Variants in RBM6 observed in about 807,000 individuals in gnomAD.
The protein encoded by RBM6 is RNA binding motif protein 6.
A neutral mutation model predicts 140.4 loss-of-function variants in RBM6; 23 were observed. That is an observed-to-expected ratio of 0.16 (90% CI 0.12 to 0.23). The LOEUF (loss-of-function observed/expected upper bound fraction) is 0.23, where lower values mean the gene tolerates loss of function less well. RBM6 is among the 10% of genes least tolerant of loss of function. RBM6 has a pLI of 1.00. For synonymous variants in RBM6, 439 were observed against 475.6 expected (o/e 0.92, Z 1.00); for missense variants, 1,139 against 1,386.7 (o/e 0.82, Z 2.84).
intron 6 of RBM6, 40 bp downstream of exon 6, chr3:49,999,553 A>T: frequency 6.8e-7 from 1 of 1,475,342 alleles, no homozygotes; most frequent in Non-Finnish European, 9.5e-7. Flanking sequence ...GGAAGGATAT[A>T]TTTTTTTATA....
intron 5 of RBM6, among the ~76,000 whole-genome samples, chr3:49,989,760 G>A (rs988036091): frequency 6.6e-6 from 1 of 151,890 alleles, no homozygotes; most frequent in Non-Finnish European, 1.5e-5. Flanking sequence ...TATTTATTTT[G>A]ATACAGAGTC....
At chr3:49,992,613 A>G (rs769858447) in intron 5 of RBM6, among the ~76,000 whole-genome samples, 14 of 152,212 alleles carry the variant, frequency 9.2e-5, no homozygotes, top group South Asian at 2.1e-4. Context: ...CTTGACTGCA[A>G]TCACATGGTG....
At chr3:49,950,980 T>C (rs1007460476) in intron 1 of RBM6, among the ~76,000 whole-genome samples, 5 of 151,944 alleles carry the variant, frequency 3.3e-5, no homozygotes, top group African/African-American at 1.2e-4. Context: ...ATAAGGAAAA[T>C]GTGGTATGTA....
At chr3:49,940,698 C>A (rs1453423033) in intron 1 of RBM6, 1 of 154,322 alleles carries the variant, frequency 6.5e-6, no homozygotes, top group Non-Finnish European at 1.5e-5. Flanking sequence ...CACAAGAGCT[C>A]CGAGCCCGGT....
At chr3:50,047,109 C>T (rs2089260549) in intron 6 of RBM6, 1 of 952,846 alleles carries the variant, frequency 1.0e-6, no homozygotes, top group South Asian at 4.9e-5. Flanking sequence ...TTTGACAAGA[C>T]AATAATTTTA....
In RBM6 at chr3:50,064,764, G is replaced by A. The variant is rs749922158; in HGVS notation, c.2587-267G>A. Among the ~76,000 whole-genome samples the A allele has an allele frequency of 7.8e-4, 119 of 152,168 alleles. No individual in the cohort carries two copies. In the Middle Eastern group the frequency reaches 0.01, roughly 13 times the overall value. On this transcript the variant is annotated intron_variant, in intron 15 of 20. Coordinates refer to ENST00000266022, the MANE Select transcript of RBM6 (RefSeq NM_005777.3). ...ACAATCTTGGCTCACTGCAAGCTCC[G>A]CCTCTCGGGTTCATTCTCCTGCCTC... is the stretch of plus-strand genomic sequence containing the variant.
chr3:50,060,964 C>G lies in RBM6; in HGVS notation c.2237C>G (p.Ser746Cys), dbSNP rs769469509. The change falls in exon 12 of 21, where the codon TCT (serine) becomes TGT (cysteine). Residue 746 changes from serine to cysteine, a missense_variant. Physicochemically the swap from Ser to Cys is moderately radical, Grantham distance 112. This residue lies in a region of RBM6 where 163 missense variants were observed against 182.8 expected (regional missense o/e 0.89). Coordinates refer to ENST00000266022, the MANE Select transcript of RBM6 (RefSeq NM_005777.3). ...TGTGTTATCTGTTGCAGAAATGATTCTGGGGACCATTCTGACCACATGCAT... is the reference window on the plus strand; with the variant it reads ...TGTGTTATCTGTTGCAGAAATGATTGTGGGGACCATTCTGACCACATGCAT... Reference protein sequence around the residue: ...NLATGKRRNDSGDHSDHMHYY... With the variant: ...NLATGKRRNDCGDHSDHMHYY... 3 of 1,571,662 alleles carry G rather than the reference C, an allele frequency of 1.9e-6. No homozygotes were observed. The South Asian group carries it at 3.6e-5, about 19-fold the overall frequency.
chr3:50,029,453 G>C lies in RBM6; in HGVS notation c.1558-18792G>C, dbSNP rs534721973. Among the ~76,000 whole-genome samples, 29 of 152,318 alleles carry C rather than the reference G, an allele frequency of 1.9e-4. No homozygotes were observed. In the South Asian group the frequency reaches 6.0e-3, roughly 32 times the overall value. ...ACTCAGAGGTTAAAGGAATCATACC[G>C]GTTTGGCATGGTGGCTCACGCCTGT... is the stretch of plus-strand genomic sequence containing the variant. On this transcript the variant is annotated intron_variant, in intron 6 of 20. Transcript: ENST00000266022.
rs1290687211 is a variant in RBM6 at position 50,077,163 on chromosome 3, C to T, written c.*30C>T. Reference sequence around the variant, plus strand: ...GGAGACAAGTTCCATGGGATACAACCTCCCTCTTGTTTTGTTTGTCTCTCC... The same window carrying T: ...GGAGACAAGTTCCATGGGATACAACTTCCCTCTTGTTTTGTTTGTCTCTCC... On this transcript the variant is annotated 3_prime_UTR_variant, in exon 21 of 21. Coordinates refer to ENST00000266022, the MANE Select transcript of RBM6 (RefSeq NM_005777.3). The T allele has an allele frequency of 1.9e-6, 3 of 1,584,516 alleles. No homozygotes were observed. The highest frequency in any genetic ancestry group is 1.2e-5 in the South Asian group (1 of 86,488).
chr3:49,947,273 GGGGGT>G (rs1271788679), intron 1 of RBM6, among the ~76,000 whole-genome samples: 3,258 of 94,766 alleles, frequency 0.034, 149 homozygotes, highest in Non-Finnish European at 0.057. Flanking sequence ...GGGGGGGGGG[GGGGGT>G]TTTGAGCTGG....
At chr3:49,992,320 T>A (rs1271650012) in intron 5 of RBM6, among the ~76,000 whole-genome samples, 1 of 152,044 alleles carries the variant, frequency 6.6e-6, no homozygotes, top group Non-Finnish European at 1.5e-5. Context: ...AGAAAAAAAA[T>A]GTTTATGGGC....
chr3:50,042,471 G>A (rs566096315), intron 6 of RBM6, among the ~76,000 whole-genome samples: 6 of 152,218 alleles, frequency 3.9e-5, no homozygotes, highest in Admixed American at 1.3e-4. Context: ...CATAACTCAC[G>A]CCTGTAATCT....
intron 1 of RBM6, 155 bp downstream of exon 1, chr3:49,940,380 C>G (rs916985829): frequency 1.5e-4 from 23 of 152,802 alleles, no homozygotes; most frequent in African/African-American, 5.5e-4. Context: ...GAAGACCAAG[C>G]AACGGTGAGA....
intron 3 of RBM6, 144 bp downstream of exon 3, chr3:49,968,892 G>T (rs908265599): frequency 2.7e-6 from 3 of 1,114,004 alleles, no homozygotes; most frequent in Non-Finnish European, 3.7e-6. Flanking sequence ...CCATTCTCCT[G>T]CCTCAGCCTC....
chr3:49,949,811 T>A (rs1355035134), intron 1 of RBM6, among the ~76,000 whole-genome samples: 5 of 152,044 alleles, frequency 3.3e-5, no homozygotes, highest in Non-Finnish European at 7.4e-5. Flanking sequence ...CCAGCCTTTT[T>A]ATTTTTTTAT....
chr3:49,959,778 G>A (rs998878889), intron 1 of RBM6, among the ~76,000 whole-genome samples: 7 of 151,602 alleles, frequency 4.6e-5, no homozygotes, highest in Non-Finnish European at 1.0e-4. Context: ...CACCATGTTG[G>A]CCAGGCTGGT....
chr3:49,995,203 C>T (rs1054604398), intron 5 of RBM6, among the ~76,000 whole-genome samples: 2 of 152,052 alleles, frequency 1.3e-5, no homozygotes, highest in African/African-American at 2.4e-5. Context: ...ATAGAGAAGA[C>T]GTGAAATTTG....
chr3:49,982,262 C>CTTTTCTT (rs2085338846), intron 5 of RBM6, among the ~76,000 whole-genome samples: 42 of 68,400 alleles, frequency 6.1e-4, no homozygotes, highest in African/African-American at 2.3e-3. Context: ...CTTTTCTTTT[C>CTTTTCTT]TTTTTTTTTT....
intron 19 of RBM6, among the ~76,000 whole-genome samples, chr3:50,071,887 C>T (rs1183427633): frequency 1.3e-5 from 2 of 150,154 alleles, no homozygotes; most frequent in African/African-American, 4.9e-5. Context: ...AGTTCGAGAC[C>T]AGCCTGGCCA....
Sources: allele counts gnomAD v4.1 joint callset (sites outside exome capture counted in the v4.1 genomes callset), GRCh38; gene constraint gnomAD v4.1.1; regional missense constraint gnomAD v4.1.1; transcripts MANE v1.5; gene names NCBI Gene and HGNC (gene_info 2026-07-23, HGNC 2026-07-21).